Variants in EPB41L2 observed in about 807,000 individuals in gnomAD.
EPB41L2 encodes the protein band 4.1-like protein 2.
A neutral mutation model predicts 113.0 loss-of-function variants in EPB41L2; 43 were observed. The observed-to-expected ratio is 0.38, with a 90% CI of 0.30 to 0.49. The LOEUF is 0.49. Ranked by LOEUF, EPB41L2 falls within the 20% of genes least tolerant of loss-of-function variation. The probability of loss-of-function intolerance (pLI) is 0.95; values close to 1 mark genes in which losing one functional copy is unlikely to be tolerated. For missense variants in EPB41L2, 1,147 were observed against 1,223.4 expected, an observed-to-expected ratio of 0.94 and a Z score of 0.93; for synonymous variants, 442 against 436.7, an observed-to-expected ratio of 1.01 and a Z score of -0.15.
rs6900737 is a variant in EPB41L2 at position 130,840,203 on chromosome 6, C to G, written c.*401G>C. 4.6e-5 allele frequency: 7 copies of G among 152,644 alleles called. No individual in the cohort carries two copies. In the East Asian group the frequency reaches 1.3e-3, roughly 29 times the overall value. The allele number at this position is 152,644 out of a possible 1,614,324, so 9.5% of individuals were successfully genotyped here. A position where few individuals can be genotyped will look rare whatever the true frequency, so the allele number is the denominator to read the frequency against. ...AATTAGTCACAGAGTTTCCTTTCTG[C>G]GCAACAGCACCTGTTCAAGTGAACA... On this transcript the variant is annotated 3_prime_UTR_variant, in exon 20 of 20. Transcript: ENST00000337057.
chr6:131,017,847 C>G (rs1190307476), intron 1 of EPB41L2, among the ~76,000 whole-genome samples: 1 of 152,206 alleles, frequency 6.6e-6, no homozygotes, highest in Non-Finnish European at 1.5e-5. Flanking sequence ...GTTATTAAAA[C>G]ATCTCCATTT....
At chr6:131,021,322 C>T (rs1035332691) in intron 1 of EPB41L2, among the ~76,000 whole-genome samples, 1 of 152,118 alleles carries the variant, frequency 6.6e-6, no homozygotes, top group Non-Finnish European at 1.5e-5. Context: ...TAAAAACCCA[C>T]ATAAACTTAA....
At chr6:130,951,170 T>C (rs1299580778) in intron 3 of EPB41L2, among the ~76,000 whole-genome samples, 2 of 143,036 alleles carry the variant, frequency 1.4e-5, no homozygotes, top group Non-Finnish European at 3.0e-5. Flanking sequence ...GGCAGGAAAA[T>C]TGCTTGAACC....
intron 14 of EPB41L2, among the ~76,000 whole-genome samples, chr6:130,874,501 CA>C (rs1786856101): frequency 6.6e-6 from 1 of 152,050 alleles, no homozygotes; most frequent in Admixed American, 6.5e-5. Context: ...CTCCCGTAGA[CA>C]AATGCTCACA....
intron 1 of EPB41L2, among the ~76,000 whole-genome samples, chr6:131,015,576 G>A (rs1788008149): frequency 6.6e-6 from 1 of 152,126 alleles, no homozygotes; most frequent in South Asian, 2.1e-4. Flanking sequence ...AGCAATTAAG[G>A]AATCTCTTTA....
chr6:130,869,639 T>G lies in EPB41L2; in HGVS notation c.2531A>C (p.Glu844Ala). ...CTCTCCGTTAACTTTCTGTGGCTCT[T>G]CCTCTGCTTCTTCTCCCATGTCTTG... ...LKQDMGEEAE[E>A]EPQKVNGEVS... Residue 844 changes from glutamate (E) to alanine (A), a missense_variant, in exon 15 of 20, where the codon GAA becomes GCA. Transcript: ENST00000337057. 6.2e-7 allele frequency: 1 copy of G among 1,614,222 alleles called. No individual in the cohort carries two copies. Among genetic ancestry groups the G allele is most frequent in the South Asian group, 1.1e-5 (1 of 91,072 alleles).
intron 3 of EPB41L2, among the ~76,000 whole-genome samples, chr6:130,938,821 A>G (rs984901357): frequency 1.3e-5 from 2 of 152,226 alleles, no homozygotes; most frequent in African/African-American, 4.8e-5. Context: ...TTCACACACT[A>G]AAGTCATTCA....
At chr6:130,923,911 T>G (rs1803730511) in intron 4 of EPB41L2, among the ~76,000 whole-genome samples, 1 of 152,222 alleles carries the variant, frequency 6.6e-6, no homozygotes, top group African/African-American at 2.4e-5. Flanking sequence ...ACATTCTCAT[T>G]GTCCAACAGA....
intron 1 of EPB41L2, among the ~76,000 whole-genome samples, chr6:131,017,191 A>T (rs1238353290): frequency 3.3e-5 from 5 of 152,216 alleles, no homozygotes; most frequent in African/African-American, 9.6e-5. Flanking sequence ...CTTAAATAAA[A>T]ATATACATAA....
chr6:130,894,907 T>C, intron 9 of EPB41L2, 60 bp downstream of exon 9: 1 of 1,468,060 alleles, frequency 6.8e-7, no homozygotes, highest in Non-Finnish European at 9.1e-7. Context: ...AAAGAATTTT[T>C]AAATTCATGG....
intron 1 of EPB41L2, among the ~76,000 whole-genome samples, chr6:131,022,130 G>A (rs781061402): frequency 3.3e-5 from 5 of 152,094 alleles, no homozygotes; most frequent in Admixed American, 6.5e-5. Flanking sequence ...ATGGGAGACC[G>A]TTACTGATCA....
chr6:130,851,293 A>G (rs1778713574), intron 19 of EPB41L2, among the ~76,000 whole-genome samples: 1 of 152,208 alleles, frequency 6.6e-6, no homozygotes. Context: ...CTAGGCAGCT[A>G]ATGTTAATTT....
chr6:130,986,587 CT>C (rs368892146), intron 1 of EPB41L2, among the ~76,000 whole-genome samples: 7,071 of 143,176 alleles, frequency 0.049, 373 homozygotes, highest in East Asian at 0.28. Context: ...GGATTTTTTT[CT>C]TTTTTTTTTT....
chr6:130,958,249 C>T (rs1042829389), intron 1 of EPB41L2, among the ~76,000 whole-genome samples: 1 of 152,038 alleles, frequency 6.6e-6, no homozygotes, highest in Non-Finnish European at 1.5e-5. Flanking sequence ...GTCAGGAGTT[C>T]GAGACCATCC....
intron 1 of EPB41L2, among the ~76,000 whole-genome samples, chr6:130,958,940 GA>G (rs1818427970): frequency 6.6e-6 from 1 of 152,216 alleles, no homozygotes; most frequent in South Asian, 2.1e-4. Context: ...CAGGATGAAA[GA>G]AAAGACTGAA....
chr6:130,993,775 C>T (rs1452970036), intron 1 of EPB41L2, among the ~76,000 whole-genome samples: 2 of 152,166 alleles, frequency 1.3e-5, no homozygotes, highest in Non-Finnish European at 2.9e-5. Flanking sequence ...GAGAATCTTT[C>T]ATTCCTATCT....
chr6:130,906,574 T>C (rs1008703268), intron 5 of EPB41L2, among the ~76,000 whole-genome samples: 2 of 152,206 alleles, frequency 1.3e-5, no homozygotes, highest in Non-Finnish European at 2.9e-5. Flanking sequence ...CAGAAATGTT[T>C]ACATACTAGT....
chr6:130,890,215 T>C, intron 11 of EPB41L2, 79 bp downstream of exon 11: 1 of 1,432,080 alleles, frequency 7.0e-7, no homozygotes, highest in Non-Finnish European at 9.3e-7. Context: ...GGTGGCTTTA[T>C]TAACTGGATT....
intron 1 of EPB41L2, among the ~76,000 whole-genome samples, chr6:131,037,233 T>C (rs1206059923): frequency 6.6e-6 from 1 of 152,204 alleles, no homozygotes; most frequent in Non-Finnish European, 1.5e-5. Context: ...ATGCCGATCA[T>C]TGGGAATACA....
Sources: allele counts gnomAD v4.1 joint callset (sites outside exome capture counted in the v4.1 genomes callset), GRCh38; gene constraint gnomAD v4.1.1; transcripts MANE v1.5; gene names NCBI Gene and HGNC (gene_info 2026-07-23, HGNC 2026-07-21).